TACC2: variants seen among roughly 807,000 people sequenced by gnomAD.
TACC2 encodes transforming acidic coiled-coil containing protein 2, also known as transforming acidic coiled-coil-containing protein 2.
A neutral mutation model predicts 227.3 loss-of-function variants in TACC2; 137 were observed. The ratio of observed to expected loss-of-function variants is 0.60; its 90% CI spans 0.52 to 0.69. The LOEUF (loss-of-function observed/expected upper bound fraction) is 0.69. Ranked by LOEUF, TACC2 falls within the 30% of genes least tolerant of loss-of-function variation. The pLI, the probability that TACC2 is intolerant of heterozygous loss-of-function variation, is 0.00. For synonymous variants in TACC2, 1,523 were observed against 1,487.5 expected (o/e 1.02, Z -0.55); for missense variants, 3,470 against 3,694.4 (o/e 0.94, Z 1.57).
chr10:122,003,248 G>A (rs528827786), intron 1 of TACC2, among the ~76,000 whole-genome samples: 4 of 151,286 alleles, frequency 2.6e-5, no homozygotes, highest in East Asian at 1.9e-4. Flanking sequence ...TTCATTAATC[G>A]CTCATTTTTC....
chr10:122,107,876 A>ATTTTTTTT (rs1464725854), intron 5 of TACC2, among the ~76,000 whole-genome samples: 1 of 85,574 alleles, frequency 1.2e-5, no homozygotes, highest in Admixed American at 1.3e-4. Flanking sequence ...ATATATATAT[A>ATTTTTTTT]TATATTTTTT....
chr10:122,166,672 C>G (rs2093181471), intron 7 of TACC2, among the ~76,000 whole-genome samples: 1 of 152,190 alleles, frequency 6.6e-6, no homozygotes, highest in African/African-American at 2.4e-5. Flanking sequence ...TGTAAAGATG[C>G]CCAGGTGATT....
chr10:122,002,024 T>G (rs139326645), intron 1 of TACC2, among the ~76,000 whole-genome samples: 2 of 152,362 alleles, frequency 1.3e-5, no homozygotes, highest in East Asian at 3.9e-4. Context: ...GACTGGTGAA[T>G]TAAACAACAG....
intron 5 of TACC2, among the ~76,000 whole-genome samples, chr10:122,101,723 C>CTT (rs1179126977): frequency 0.15 from 8,212 of 55,720 alleles, 1,131 homozygotes; most frequent in East Asian, 0.23. Flanking sequence ...CCATGCCCAG[C>CTT]TTTTTTTTTT....
chr10:122,162,995 C>T (rs2092914968), intron 7 of TACC2, among the ~76,000 whole-genome samples: 1 of 152,000 alleles, frequency 6.6e-6, no homozygotes, highest in African/African-American at 2.4e-5. Context: ...CCAGCCCGCT[C>T]GCAGGCCCAG....
intron 2 of TACC2, among the ~76,000 whole-genome samples, chr10:122,034,520 C>T (rs1395344324): frequency 6.6e-6 from 1 of 152,178 alleles, no homozygotes; most frequent in Non-Finnish European, 1.5e-5. Context: ...GCAATGCTTC[C>T]TGGATCAGCC....
intron 1 of TACC2, among the ~76,000 whole-genome samples, chr10:122,008,278 A>G (rs1332957218): frequency 3.4e-5 from 2 of 58,382 alleles, no homozygotes; most frequent in Non-Finnish European, 6.7e-5. Context: ...TTTTTTTTTG[A>G]GACAGAATTT....
rs201051288 is a variant in TACC2, at chr10:122,241,951, C to T, written c.8349-7C>T. ...ATGACTCCAACGTGTCTTTACTTCT[C>T]TTATAGGAAAATAGTGGCCGAGTAT... is the stretch of plus-strand genomic sequence containing the variant. On this transcript the variant is annotated splice_polypyrimidine_tract_variant and splice_region_variant and intron_variant, in intron 18 of 22. Coordinates refer to ENST00000369005, the MANE Select transcript of TACC2 (RefSeq NM_206862.4). 190 of 1,613,922 alleles carry T rather than the reference C, an allele frequency of 1.2e-4. No homozygotes were observed. The highest frequency in any genetic ancestry group is 1.5e-4 in the Non-Finnish European group (176 of 1,179,882).
At chr10:122,184,202 C>G (rs2094091939) in intron 7 of TACC2, among the ~76,000 whole-genome samples, 1 of 152,112 alleles carries the variant, frequency 6.6e-6, no homozygotes. Context: ...CGGAAGGACA[C>G]TTGGTGAGTG....
At chr10:122,027,437 T>C (rs1183818465) in intron 2 of TACC2, among the ~76,000 whole-genome samples, 1 of 152,178 alleles carries the variant, frequency 6.6e-6, no homozygotes, top group Non-Finnish European at 1.5e-5. Context: ...TTTGTGTCTG[T>C]GTATTTTTTT....
chr10:122,075,754 C>T (rs532840219), intron 3 of TACC2, among the ~76,000 whole-genome samples: 4 of 152,054 alleles, frequency 2.6e-5, no homozygotes, highest in Admixed American at 6.6e-5. Context: ...TGTTGCTTAT[C>T]GCAGAATACA....
chr10:122,018,118 C>T (rs1956920894), intron 1 of TACC2, among the ~76,000 whole-genome samples: 1 of 151,912 alleles, frequency 6.6e-6, no homozygotes, highest in Admixed American at 6.6e-5. Flanking sequence ...CAACTTCCCG[C>T]TTCTCACCCC....
intron 6 of TACC2, among the ~76,000 whole-genome samples, chr10:122,139,174 TG>T (rs1297557842): frequency 1.3e-5 from 2 of 152,218 alleles, no homozygotes; most frequent in East Asian, 3.9e-4. Flanking sequence ...GTGCCAAATT[TG>T]AAAATAACAT....
rs2093946062 is a variant in TACC2, at chr10:122,180,717, G to A, written c.5835-14323G>A. Among the ~76,000 whole-genome samples, 1 of 151,884 alleles carries A rather than the reference G, an allele frequency of 6.6e-6. No homozygotes were observed. Among genetic ancestry groups the A allele is most frequent in the African/African-American group, 2.4e-5 (1 of 41,256 alleles). On this transcript the variant is annotated intron_variant, in intron 7 of 22. Transcript: ENST00000369005. This position sits in a 1 kb window ranked among gnomAD's most constrained non-coding sequence, Gnocchi z 4.5. ...TGAGAAGCCTCCCTTCCCAGGGAGT[G>A]CAAGAGGAATAACTTATTTTATTTT...
intron 1 of TACC2, among the ~76,000 whole-genome samples, chr10:122,012,368 C>T (rs1396792448): frequency 3.4e-5 from 5 of 145,968 alleles, no homozygotes; most frequent in East Asian, 4.2e-4. Context: ...TGCAGTGAGC[C>T]GAGATCACGC....
At chr10:122,025,300 A>T (rs764348036) in intron 2 of TACC2, among the ~76,000 whole-genome samples, 2 of 152,174 alleles carry the variant, frequency 1.3e-5, no homozygotes, top group Non-Finnish European at 2.9e-5. Context: ...TTGCACTGTC[A>T]GCTGGGCTGG....
At position 122,084,573 on chromosome 10, in the gene TACC2, A is replaced by C. The variant is rs769155262; in HGVS notation, c.2073A>C (p.Ser691=). Residue 691 remains serine (S), a synonymous_variant, in exon 4 of 23, where the codon TCA becomes TCC. Coordinates refer to ENST00000369005, the MANE Select transcript of TACC2 (RefSeq NM_206862.4). ...TVPEGAIWEG[S]GLQPKCPDTL... The stretch of plus-strand genomic sequence containing the variant: ...CCGAAGGAGCCATCTGGGAGGGGTC[A>C]GGATTGCAGCCCAAATGTCCTGACA... 1.9e-6 allele frequency: 3 copies of C among 1,613,816 alleles called. No individual in the cohort carries two copies. In the Admixed American group the frequency reaches 5.0e-5, roughly 27 times the overall value.
intron 9 of TACC2, 58 bp from the exon 10 acceptor site, chr10:122,215,333 G>T (rs1220174094): frequency 6.7e-7 from 1 of 1,499,140 alleles, no homozygotes; most frequent in Non-Finnish European, 9.3e-7. Flanking sequence ...GCTCTGTACT[G>T]CTCTGGAGTG....
In TACC2 at chr10:122,209,943, C is replaced by T. The variant is rs148716635; in HGVS notation, c.5972-454C>T. 542 of 173,032 alleles carry T rather than the reference C, an allele frequency of 3.1e-3. 3 individuals carry two copies. The highest frequency in any genetic ancestry group is 0.012 in the African/African-American group (507 of 42,146). 10.7% of individuals were successfully genotyped at this position (173,032 alleles called of 1,614,324 possible). On this transcript the variant is annotated intron_variant, in intron 8 of 22. Transcript: ENST00000369005. This position sits in a 1 kb window ranked among gnomAD's most constrained non-coding sequence, Gnocchi z 4.5. ...CTGACCTCAAGTGATCTGCCTGCCT[C>T]GGCCTCCCAAAGTGCTGGGATTACA...
Sources: allele counts gnomAD v4.1 joint callset (sites outside exome capture counted in the v4.1 genomes callset), GRCh38; gene constraint gnomAD v4.1.1; non-coding constraint Gnocchi (gnomAD v3.1); transcripts MANE v1.5; gene names NCBI Gene and HGNC (gene_info 2026-07-23, HGNC 2026-07-21).